Variants in PMVK observed in about 807,000 individuals in gnomAD.
PMVK encodes the protein testis tissue sperm-binding protein Li 95mP.
In PMVK, 10 loss-of-function variants were observed where a neutral mutation model predicts 19.0. The ratio of observed to expected loss-of-function variants is 0.53; its 90% CI spans 0.32 to 0.89. The LOEUF is 0.89. Among genes scored for constraint, PMVK ranks in the 40% least tolerant of loss-of-function variants. The pLI is 0.03. For synonymous variants in PMVK, 108 were observed against 101.6 expected (o/e 1.06, Z -0.38); for missense variants, 222 against 251.1 (o/e 0.88, Z 0.78).
intron 1 of PMVK, among the ~76,000 whole-genome samples, chr1:154,935,365 C>T (rs1654471116): frequency 6.6e-6 from 1 of 152,154 alleles, no homozygotes; most frequent in Admixed American, 6.5e-5. Context: ...CCACACTGGC[C>T]TTCAAGAGGA....
intron 4 of PMVK, 57 bp downstream of exon 4, chr1:154,926,297 C>A: frequency 6.4e-7 from 1 of 1,560,438 alleles, no homozygotes; most frequent in South Asian, 1.2e-5. Flanking sequence ...GCCCGGTAGA[C>A]AAACCACAGG....
At chr1:154,940,413 A>G (rs1056292897), upstream of PMVK, among the ~76,000 whole-genome samples, 3 of 152,124 alleles carry the variant, frequency 2.0e-5, no homozygotes, top group Admixed American at 6.5e-5. Flanking sequence ...GAGGAAGTGG[A>G]GGGTGGGGGG....
At chr1:154,936,524 CA>C in intron 1 of PMVK, 66 bp downstream of exon 1, 2 of 1,546,138 alleles carry the variant, frequency 1.3e-6, no homozygotes. Context: ...CCGTGACACC[CA>C]AAAGCACTCC....
chr1:154,930,291 C>T (rs1459277528), intron 2 of PMVK, among the ~76,000 whole-genome samples: 1 of 152,096 alleles, frequency 6.6e-6, no homozygotes, highest in African/African-American at 2.4e-5. Flanking sequence ...AACCATGTCT[C>T]TACTAAAAAT....
upstream of PMVK, chr1:154,937,087 A>C: frequency 5.2e-6 from 1 of 191,744 alleles, no homozygotes; most frequent in Non-Finnish European, 1.1e-5. Context: ...CCTGAGGTGA[A>C]CCCCATGTTC....
chr1:154,926,407 C>T lies in PMVK; in HGVS notation c.389G>A (p.Arg130His), dbSNP rs777171676. Residue 130 changes from arginine to histidine, a missense_variant, in exon 4 of 5, where the codon CGC (arginine) becomes CAC (histidine). By Grantham distance (29) the Arg-to-His change is conservative. Transcript: ENST00000368467. ...EAYGAVTQTVRVVALEQSRQQ... is the reference protein window; with the variant it reads ...EAYGAVTQTVHVVALEQSRQQ... ...TCGGCTCTGCTCCAACGCTACAACG[C>T]GGACCGTCTGCGTCACGGCCCCATA... 22 of 1,613,790 alleles carry T rather than the reference C, an allele frequency of 1.4e-5. No individual in the cohort carries two copies. Among genetic ancestry groups the T allele is most frequent in the Admixed American group, 8.3e-5 (5 of 60,000 alleles).
At chr1:154,934,592 C>G (rs1334772814) in intron 1 of PMVK, among the ~76,000 whole-genome samples, 3 of 152,100 alleles carry the variant, frequency 2.0e-5, no homozygotes, top group Non-Finnish European at 4.4e-5. Context: ...GGAGGATTGA[C>G]TCCCCCAAAG....
intron 2 of PMVK, 118 bp downstream of exon 2, chr1:154,932,234 C>T: frequency 1.3e-6 from 1 of 764,542 alleles, no homozygotes; most frequent in Non-Finnish European, 2.3e-6. Flanking sequence ...AAGAGCTGGC[C>T]ACCACCCTGC....
intron 4 of PMVK, among the ~76,000 whole-genome samples, 169 bp downstream of exon 4, chr1:154,926,185 C>T (rs1654152516): frequency 6.6e-6 from 1 of 152,178 alleles, no homozygotes. Context: ...CTAGGTTAAG[C>T]CAAGGGAACC....
intron 2 of PMVK, among the ~76,000 whole-genome samples, chr1:154,931,110 C>T (rs1458974294): frequency 6.6e-6 from 1 of 152,118 alleles, no homozygotes; most frequent in Non-Finnish European, 1.5e-5. Flanking sequence ...AAATAAACCA[C>T]TTAATTTAGT....
upstream of PMVK, among the ~76,000 whole-genome samples, chr1:154,941,278 C>T (rs980683739): frequency 3.9e-5 from 6 of 152,216 alleles, no homozygotes; most frequent in African/African-American, 1.4e-4. Flanking sequence ...CGGCAGTCAC[C>T]TATCCTGGGT....
chr1:154,942,076 C>T, the PMVK span, among the ~76,000 whole-genome samples: 10,307 of 152,274 alleles, frequency 0.068, 1,219 homozygotes, highest in African/African-American at 0.24. Context: ...AAGAAGGCCA[C>T]CCCTAACTCT....
intron 2 of PMVK, among the ~76,000 whole-genome samples, chr1:154,931,979 G>A (rs1248169242): frequency 1.3e-5 from 2 of 152,058 alleles, no homozygotes; most frequent in African/African-American, 2.4e-5. Context: ...ATGTGCCACC[G>A]TGCTCGGCCT....
At chr1:154,927,939 C>A (rs1274636607) in intron 3 of PMVK, among the ~76,000 whole-genome samples, 1 of 151,780 alleles carries the variant, frequency 6.6e-6, no homozygotes, top group Non-Finnish European at 1.5e-5. Context: ...CTGATATATT[C>A]TGTATTTATT....
Position 154,925,086 on chromosome 1 carries a change from C to CCACACCAGG in PMVK, c.*42_*43insCCTGGTGTG. 7.1e-7 allele frequency: 1 copy of CCACACCAGG among 1,406,666 alleles called. No individual in the cohort carries two copies. The allele number at this position is 1,406,666 out of a possible 1,614,324, so 87.1% of individuals were successfully genotyped here. A position where few individuals can be genotyped will look rare whatever the true frequency, so the allele number is the denominator to read the frequency against. On this transcript the variant is annotated 3_prime_UTR_variant, in exon 5 of 5. Transcript: ENST00000368467. ...CCCCCATTTTGCAGAGTCAGCCCCA[C>CCACACCAGG]CCCCACCTCAGCAGGCCCCAGCTCA...
chr1:154,938,603 A>T (rs550046291), upstream of PMVK, among the ~76,000 whole-genome samples: 148 of 151,710 alleles, frequency 9.8e-4, no homozygotes, highest in African/African-American at 3.4e-3. Context: ...CTCAAAAAAT[A>T]AAAAAAAACT....
In PMVK at chr1:154,925,080, G is replaced by GGCC; in HGVS notation, c.*48_*49insGGC. The GGCC allele has an allele frequency of 4.8e-6, 7 of 1,459,200 alleles. No individual in the cohort carries two copies. Among genetic ancestry groups the GGCC allele is most frequent in the Non-Finnish European group, 5.6e-6 (6 of 1,076,442 alleles). The allele number at this position is 1,459,200 out of a possible 1,614,324, so 90.4% of individuals were successfully genotyped here. A position where few individuals can be genotyped will look rare whatever the true frequency, so the allele number is the denominator to read the frequency against. ...GGGACACCCCCATTTTGCAGAGTCA[G>GGCC]CCCCACCCCCACCTCAGCAGGCCCC... On this transcript the variant is annotated 3_prime_UTR_variant, in exon 5 of 5. Transcript: ENST00000368467.
upstream of PMVK, chr1:154,936,841 G>T: frequency 1.6e-6 from 1 of 640,166 alleles, no homozygotes; most frequent in Admixed American, 2.5e-5. Context: ...GACCGCCCGC[G>T]ACCGTGCCCT....
At chr1:154,940,342 G>A (rs1339116926), upstream of PMVK, among the ~76,000 whole-genome samples, 1 of 152,186 alleles carries the variant, frequency 6.6e-6, no homozygotes, top group Non-Finnish European at 1.5e-5. Flanking sequence ...CTCCCCTGGG[G>A]CTGAGCGAAG....
Sources: gnomAD v4.1 joint callset for allele counts (sites outside exome capture counted in the v4.1 genomes callset) on GRCh38, gnomAD v4.1.1 for gene constraint, MANE v1.5 for transcripts, NCBI Gene and HGNC (gene_info 2026-07-23, HGNC 2026-07-21) for gene names.